The following BICRAL variants were observed in gnomAD, a reference collection of about 807,000 sequenced individuals.
BICRAL encodes the protein BICRA like chromatin remodeling complex associated protein.
A neutral mutation model predicts 91.8 loss-of-function variants in BICRAL; 8 were observed. The ratio of observed to expected loss-of-function variants is 0.09; its 90% CI spans 0.05 to 0.16. The LOEUF (loss-of-function observed/expected upper bound fraction) is 0.16. Among genes scored for constraint, BICRAL ranks in the 10% least tolerant of loss-of-function variants. The pLI, the probability that BICRAL is intolerant of heterozygous loss-of-function variation, is 1.00. For missense variants in BICRAL, 1,038 were observed against 1,310.9 expected, an observed-to-expected ratio of 0.79 and a Z score of 3.21; for synonymous variants, 445 against 491.1, an observed-to-expected ratio of 0.91 and a Z score of 1.24.
chr6:42,764,339 C>A (rs1379705668), intron 1 of BICRAL, among the ~76,000 whole-genome samples: 1 of 150,504 alleles, frequency 6.6e-6, no homozygotes, highest in Non-Finnish European at 1.5e-5. Context: ...ATTGCTTGAG[C>A]CTAGGAGTTC....
At chr6:42,833,640 G>A (rs1764562817) in intron 6 of BICRAL, among the ~76,000 whole-genome samples, 1 of 151,708 alleles carries the variant, frequency 6.6e-6, no homozygotes. Context: ...TACAGACAGG[G>A]TTTCTCCGTG....
chr6:42,761,932 C>T (rs1762557028), intron 1 of BICRAL, among the ~76,000 whole-genome samples: 1 of 151,922 alleles, frequency 6.6e-6, no homozygotes, highest in Non-Finnish European at 1.5e-5. Flanking sequence ...AAAAGAAATA[C>T]GTACTTCTTT....
At position 42,860,254 on chromosome 6, in the gene BICRAL, T is replaced by G. The variant is rs1765512421; in HGVS notation, c.2255-8T>G. 1 of 1,549,708 alleles carries G rather than the reference T, an allele frequency of 6.5e-7. No individual in the cohort carries two copies. The highest frequency in any genetic ancestry group is 1.4e-5 in the African/African-American group (1 of 73,580). On this transcript the variant is annotated splice_region_variant and splice_polypyrimidine_tract_variant and intron_variant, in intron 10 of 12. Coordinates refer to ENST00000314073, the MANE Select transcript of BICRAL (RefSeq NM_001393499.1). Reference sequence around the variant, plus strand: ...TCTCACTATTTCTTTGTCTCTCTCTTTTTAAAGTGGACAATGAATTTGAGA... The same window carrying G: ...TCTCACTATTTCTTTGTCTCTCTCTGTTTAAAGTGGACAATGAATTTGAGA...
At chr6:42,779,221 AAAACACACACACACAC>A (rs1370704591), upstream of BICRAL, among the ~76,000 whole-genome samples, 60 of 105,240 alleles carry the variant, frequency 5.7e-4, no homozygotes, top group African/African-American at 2.3e-3. Flanking sequence ...TGTCTCAAGA[AAAACACACACACACAC>A]ACACACACAC....
intron 1 of BICRAL, among the ~76,000 whole-genome samples, chr6:42,808,853 C>T (rs1312053072): frequency 6.6e-6 from 1 of 152,072 alleles, no homozygotes; most frequent in African/African-American, 2.4e-5. Context: ...GCTTCTTTGT[C>T]GTCACATGAT....
chr6:42,810,566 A>T (rs2113916298), intron 2 of BICRAL, among the ~76,000 whole-genome samples, 165 bp downstream of exon 2: 1 of 152,364 alleles, frequency 6.6e-6, no homozygotes, highest in South Asian at 2.1e-4. Context: ...TATCGACATG[A>T]ATCGTTATTT....
At chr6:42,758,012 A>G (rs1762487499) in intron 1 of BICRAL, among the ~76,000 whole-genome samples, 1 of 152,204 alleles carries the variant, frequency 6.6e-6, no homozygotes, top group African/African-American at 2.4e-5. Context: ...CACCAAATCC[A>G]TAGTCTTCCA....
At chr6:42,812,560 T>C (rs1763871230) in intron 2 of BICRAL, among the ~76,000 whole-genome samples, 1 of 152,048 alleles carries the variant, frequency 6.6e-6, no homozygotes, top group South Asian at 2.1e-4. Context: ...TAAATAATAA[T>C]GACATGGAGT....
chr6:42,759,529 T>C (rs566492598), intron 1 of BICRAL, among the ~76,000 whole-genome samples: 1 of 152,278 alleles, frequency 6.6e-6, no homozygotes, highest in East Asian at 1.9e-4. Context: ...TAGACAGGAC[T>C]CAGTGATTAA....
At chr6:42,853,764 T>C (rs756586004) in intron 8 of BICRAL, 26 bp downstream of exon 8, 1 of 1,440,042 alleles carries the variant, frequency 6.9e-7, no homozygotes. Context: ...CATAGCCTCT[T>C]CCTAATGTTC....
chr6:42,837,801 A>G (rs145768315), intron 6 of BICRAL, among the ~76,000 whole-genome samples: 24 of 152,210 alleles, frequency 1.6e-4, no homozygotes, highest in African/African-American at 5.3e-4. Context: ...GTGTACTACA[A>G]TGAAGAGTTT....
At chr6:42,807,807 A>G (rs1763750926) in intron 1 of BICRAL, among the ~76,000 whole-genome samples, 1 of 151,680 alleles carries the variant, frequency 6.6e-6, no homozygotes, top group Non-Finnish European at 1.5e-5. Flanking sequence ...TCCGTCTGAA[A>G]AAAAAAAAAA....
At chr6:42,798,380 G>A (rs1763473432) in intron 1 of BICRAL, among the ~76,000 whole-genome samples, 1 of 113,714 alleles carries the variant, frequency 8.8e-6, no homozygotes, top group South Asian at 3.1e-4. Flanking sequence ...ACTAGAAAAA[G>A]AAAAAAAATT....
At chr6:42,828,372 G>A (rs1401773455) in intron 5 of BICRAL, 121 bp from the exon 6 acceptor site, 4 of 831,392 alleles carry the variant, frequency 4.8e-6, no homozygotes, top group Non-Finnish European at 7.2e-6. Context: ...CTGCACTCCA[G>A]CCTGGGTGAC....
chr6:42,787,521 C>T (rs1763134683), intron 1 of BICRAL, among the ~76,000 whole-genome samples: 1 of 151,880 alleles, frequency 6.6e-6, no homozygotes, highest in Non-Finnish European at 1.5e-5. Flanking sequence ...TCCCACACAG[C>T]CAGCTCTGTG....
rs148735469 is a variant in BICRAL at position 42,825,128 on chromosome 6, C to T, written c.159+2125C>T. Reference sequence around the variant, plus strand: ...GCAAAAAATTAGCCGGGCGTAGTGGCGTGTGCCTGTAATCCCAGCTACTCA... The same window carrying T: ...GCAAAAAATTAGCCGGGCGTAGTGGTGTGTGCCTGTAATCCCAGCTACTCA... On this transcript the variant is annotated intron_variant, in intron 5 of 12. Transcript: ENST00000314073. Among the ~76,000 whole-genome samples, 14 of 151,992 alleles carry T rather than the reference C, an allele frequency of 9.2e-5. No individual in the cohort carries two copies. The East Asian group carries it at 2.3e-3, about 25-fold the overall frequency.
chr6:42,840,647 T>C (rs1764766588), intron 6 of BICRAL, among the ~76,000 whole-genome samples: 1 of 152,080 alleles, frequency 6.6e-6, no homozygotes, highest in South Asian at 2.1e-4. Flanking sequence ...GCAATTCTCC[T>C]GCCTCAGCAC....
At chr6:42,785,227 G>A (rs1763068389) in intron 1 of BICRAL, among the ~76,000 whole-genome samples, 2 of 151,988 alleles carry the variant, frequency 1.3e-5, no homozygotes, top group African/African-American at 4.8e-5. Context: ...TCTAGGTCTA[G>A]CCAGGCCATC....
intron 1 of BICRAL, among the ~76,000 whole-genome samples, chr6:42,770,412 ATTTTTTT>A (rs531644287): frequency 7.9e-6 from 1 of 126,226 alleles, no homozygotes; most frequent in African/African-American, 3.1e-5. Flanking sequence ...TATTATTATT[ATTTTTTT>A]TTTTTTTTTT....
Sources: gnomAD v4.1 joint callset for allele counts (sites outside exome capture counted in the v4.1 genomes callset) on GRCh38, gnomAD v4.1.1 for gene constraint, MANE v1.5 for transcripts, NCBI Gene and HGNC (gene_info 2026-07-23, HGNC 2026-07-21) for gene names.